Variants in CABLES1 observed in about 807,000 individuals in gnomAD.
CABLES1 encodes the protein CDK5 and ABL1 enzyme substrate 1.
CABLES1 carries 36 observed loss-of-function variants against 57.8 expected under a neutral mutation model. That is an observed-to-expected ratio of 0.62 (90% CI 0.48 to 0.82). CABLES1 has a LOEUF of 0.82. Ranked by LOEUF, CABLES1 falls within the 40% of genes least tolerant of loss-of-function variation. The pLI, the probability that CABLES1 is intolerant of heterozygous loss-of-function variation, is 0.00. For missense variants in CABLES1, 767 were observed against 836.6 expected (o/e 0.92, Z 1.03); for synonymous variants, 374 against 363.0 (o/e 1.03, Z -0.35).
chr18:23,226,677 A>G (rs960652431), intron 4 of CABLES1, among the ~76,000 whole-genome samples: 1 of 152,310 alleles, frequency 6.6e-6, no homozygotes, highest in East Asian at 1.9e-4. Flanking sequence ...CTGGTGAGTG[A>G]GAGACTGCAG....
intron 1 of CABLES1, among the ~76,000 whole-genome samples, chr18:23,147,979 CTTTTTTTTTT>C (rs10603023): frequency 1.3e-5 from 1 of 78,358 alleles, no homozygotes; most frequent in African/African-American, 5.6e-5. Context: ...GCTTGGCCTC[CTTTTTTTTTT>C]TTTTTTTTTT....
At chr18:23,188,028 A>G (rs1448611558) in intron 1 of CABLES1, among the ~76,000 whole-genome samples, 3 of 152,222 alleles carry the variant, frequency 2.0e-5, no homozygotes, top group African/African-American at 7.2e-5. Flanking sequence ...AACTTTTTCA[A>G]TCCATCCCTG....
At chr18:23,223,927 G>A (rs2047508546) in intron 4 of CABLES1, among the ~76,000 whole-genome samples, 1 of 151,870 alleles carries the variant, frequency 6.6e-6, no homozygotes, top group South Asian at 2.1e-4. Context: ...ATCATTACCA[G>A]GGATAGATTG....
intron 1 of CABLES1, among the ~76,000 whole-genome samples, chr18:23,141,681 T>G (rs1282119533): frequency 1.3e-5 from 2 of 152,198 alleles, no homozygotes; most frequent in African/African-American, 2.4e-5. Context: ...TCACAAAGCC[T>G]GCAATGTGGG....
intron 1 of CABLES1, chr18:23,155,706 C>T: frequency 1.2e-6 from 1 of 847,694 alleles, no homozygotes; most frequent in Non-Finnish European, 1.7e-6. Context: ...ATGTGGTCTC[C>T]ACGTGGCAGG....
rs2048205342 is a variant in CABLES1 at position 23,257,899 on chromosome 18, AC to A, written c.*533del. The A allele has an allele frequency of 6.7e-6, 1 of 148,168 alleles. No homozygotes were observed. Among genetic ancestry groups the A allele is most frequent in the Non-Finnish European group, 1.5e-5 (1 of 67,260 alleles). 9.2% of individuals were successfully genotyped at this position (148,168 alleles called of 1,614,324 possible). ...GTGAATGTGCAAGTGTCTGAGAGAT[AC>A]TGCATCAGCCCTAGACCCCCAGAGC... On this transcript the variant is annotated 3_prime_UTR_variant, in exon 10 of 10. Coordinates refer to ENST00000256925, the MANE Select transcript of CABLES1 (RefSeq NM_001100619.3).
At chr18:23,204,639 A>G (rs1186455348) in intron 3 of CABLES1, 1 of 152,394 alleles carries the variant, frequency 6.6e-6, no homozygotes, top group African/African-American at 2.4e-5. Flanking sequence ...CACACTGCTG[A>G]TTAAGACATA....
chr18:23,252,710 C>G (rs1568094831), intron 7 of CABLES1, among the ~76,000 whole-genome samples: 1 of 152,196 alleles, frequency 6.6e-6, no homozygotes, highest in Non-Finnish European at 1.5e-5. Flanking sequence ...GCACTGACTT[C>G]TGATGGTCTA....
At chr18:23,138,196 G>A (rs2046835371) in intron 1 of CABLES1, among the ~76,000 whole-genome samples, 1 of 152,156 alleles carries the variant, frequency 6.6e-6, no homozygotes, top group Admixed American at 6.5e-5. Flanking sequence ...CATGCTAAAG[G>A]CAGCTGGAGA....
At chr18:23,207,182 T>C (rs2047370006) in intron 3 of CABLES1, among the ~76,000 whole-genome samples, 2 of 152,214 alleles carry the variant, frequency 1.3e-5, no homozygotes, top group South Asian at 4.1e-4. Context: ...TTAGGTCATA[T>C]ATAAGGGACC....
chr18:23,148,146 T>C (rs1348323692), intron 1 of CABLES1, among the ~76,000 whole-genome samples: 3 of 151,964 alleles, frequency 2.0e-5, no homozygotes, highest in African/African-American at 7.2e-5. Context: ...CCCGCCACCA[T>C]GCCCGGCTAA....
At chr18:23,241,893 C>T (rs1013118869) in intron 7 of CABLES1, among the ~76,000 whole-genome samples, 4 of 152,144 alleles carry the variant, frequency 2.6e-5, no homozygotes, top group Non-Finnish European at 4.4e-5. Context: ...TAGCCTTGCA[C>T]CCATATCTGT....
At chr18:23,148,084 G>C (rs1463785311) in intron 1 of CABLES1, among the ~76,000 whole-genome samples, 1 of 144,882 alleles carries the variant, frequency 6.9e-6, no homozygotes, top group Non-Finnish European at 1.5e-5. Flanking sequence ...CCGCCTCCTG[G>C]ATTCACGCCA....
In CABLES1 at chr18:23,136,307, C is replaced by T. The variant is rs1333750810; in HGVS notation, c.545C>T (p.Pro182Leu). Residue 182 changes from proline to leucine, a missense_variant, in exon 1 of 10, where the codon CCG becomes CTG. Physicochemically the swap from Pro to Leu is moderately conservative, Grantham distance 98. Coordinates refer to ENST00000256925, the MANE Select transcript of CABLES1 (RefSeq NM_001100619.3). ...AGRASGEQWQ[P>L]PRPAPLAACA... ...CGGGCGTCGGGGGAGCAGTGGCAGC[C>T]GCCCCGGCCGGCGCCTCTCGCCGCC... 2.1e-6 allele frequency: 3 copies of T among 1,396,912 alleles called. No individual in the cohort carries two copies. Among genetic ancestry groups the T allele is most frequent in the Non-Finnish European group, 2.8e-6 (3 of 1,081,836 alleles). The allele number at this position is 1,396,912 out of a possible 1,614,324, so 86.5% of individuals were successfully genotyped here.
chr18:23,190,277 C>G (rs1387596346), intron 2 of CABLES1: 3 of 152,236 alleles, frequency 2.0e-5, no homozygotes, highest in Non-Finnish European at 4.4e-5. Flanking sequence ...CGCGATCTGA[C>G]TGAGGTGCTC....
At chr18:23,172,639 A>G (rs1175208355) in intron 1 of CABLES1, among the ~76,000 whole-genome samples, 1 of 152,242 alleles carries the variant, frequency 6.6e-6, no homozygotes, top group African/African-American at 2.4e-5. Context: ...TAAAGGGTCC[A>G]TTCAGACCTC....
intron 1 of CABLES1, among the ~76,000 whole-genome samples, chr18:23,186,246 G>A (rs1355361684): frequency 6.6e-6 from 1 of 152,200 alleles, no homozygotes; most frequent in Non-Finnish European, 1.5e-5. Context: ...AGGTCAGGGT[G>A]CAGCCTCAGT....
chr18:23,180,168 G>A (rs1335831236), intron 1 of CABLES1, among the ~76,000 whole-genome samples: 2 of 152,038 alleles, frequency 1.3e-5, no homozygotes, highest in African/African-American at 2.4e-5. Flanking sequence ...TGATCCACCC[G>A]CCTCAGCCTC....
intron 3 of CABLES1, among the ~76,000 whole-genome samples, chr18:23,209,207 C>T (rs2047385989): frequency 1.3e-5 from 2 of 152,180 alleles, no homozygotes; most frequent in African/African-American, 4.8e-5. Flanking sequence ...AGCCCTTGGT[C>T]CAGCATATCT....
Sources: allele counts gnomAD v4.1 joint callset (sites outside exome capture counted in the v4.1 genomes callset), GRCh38; gene constraint gnomAD v4.1.1; transcripts MANE v1.5; gene names NCBI Gene and HGNC (gene_info 2026-07-23, HGNC 2026-07-21).